The following THSD7B variants were observed in gnomAD, a reference collection of about 807,000 sequenced individuals.
The protein encoded by THSD7B is thrombospondin type 1 domain containing 7B.
In THSD7B, 138 loss-of-function variants were observed where a neutral mutation model predicts 213.6. The ratio of observed to expected loss-of-function variants is 0.65; its 90% CI spans 0.56 to 0.74. THSD7B has a LOEUF of 0.74. Among genes scored for constraint, THSD7B ranks in the 30% least tolerant of loss-of-function variants. THSD7B has a pLI of 0.00. For missense variants in THSD7B, 1,931 were observed against 1,991.5 expected, an observed-to-expected ratio of 0.97 and a Z score of 0.58; for synonymous variants, 742 against 687.0, an observed-to-expected ratio of 1.08 and a Z score of -1.25.
intron 4 of THSD7B, among the ~76,000 whole-genome samples, chr2:137,100,580 T>G (rs1042560418): frequency 6.6e-6 from 1 of 152,130 alleles, no homozygotes; most frequent in Non-Finnish European, 1.5e-5. Context: ...GTTTGTTTGT[T>G]TCCTTTTCCT....
chr2:137,067,319 T>G (rs1687401192), intron 3 of THSD7B, among the ~76,000 whole-genome samples: 1 of 152,096 alleles, frequency 6.6e-6, no homozygotes, highest in South Asian at 2.1e-4. Flanking sequence ...AGTGTGAGGT[T>G]GTTATATTTA....
In THSD7B at chr2:137,277,700, A is replaced by G. The variant is rs72973687; in HGVS notation, c.2500+1674A>G. ...ATGGAGATATGGCAAAGTATTTTGC[A>G]GAACAGGATTACACCTAAGTGTTGG... On this transcript the variant is annotated intron_variant, in intron 12 of 27. Transcript: ENST00000409968. Among the ~76,000 whole-genome samples, 388 of 152,274 alleles carry G rather than the reference A, an allele frequency of 2.5e-3. 6 individuals carry two copies. The highest frequency in any genetic ancestry group is 9.2e-3 in the African/African-American group (381 of 41,572).
intron 2 of THSD7B, among the ~76,000 whole-genome samples, chr2:137,036,937 A>C (rs1686786892): frequency 6.6e-6 from 1 of 151,490 alleles, no homozygotes; most frequent in Non-Finnish European, 1.5e-5. Flanking sequence ...TGCTCACATC[A>C]CCCCCCTTCT....
At chr2:137,444,777 T>G (rs1687492362) in intron 14 of THSD7B, among the ~76,000 whole-genome samples, 1 of 151,834 alleles carries the variant, frequency 6.6e-6, no homozygotes, top group Non-Finnish European at 1.5e-5. Flanking sequence ...TGGGATCACA[T>G]CCAGCTAAAA....
At chr2:137,490,951 T>C (rs1027687547) in intron 15 of THSD7B, among the ~76,000 whole-genome samples, 2 of 152,242 alleles carry the variant, frequency 1.3e-5, no homozygotes, top group African/African-American at 4.8e-5. Context: ...TTCGAAACCT[T>C]CGTTTACATT....
chr2:137,386,420 A>C (rs776142445), intron 12 of THSD7B, among the ~76,000 whole-genome samples: 1 of 152,224 alleles, frequency 6.6e-6, no homozygotes, highest in Non-Finnish European at 1.5e-5. Flanking sequence ...TGAGCTGTGC[A>C]GCTGAACTGA....
chr2:137,346,607 A>G (rs900959580), intron 12 of THSD7B, among the ~76,000 whole-genome samples: 1 of 151,656 alleles, frequency 6.6e-6, no homozygotes, highest in African/African-American at 2.4e-5. Context: ...AGCACAACTT[A>G]CAGTTCTTCC....
intron 3 of THSD7B, among the ~76,000 whole-genome samples, chr2:137,079,392 T>A (rs1687696855): frequency 6.6e-6 from 1 of 152,222 alleles, no homozygotes; most frequent in Non-Finnish European, 1.5e-5. Flanking sequence ...CTACACATAG[T>A]TGCTGTTATA....
chr2:137,379,169 G>A (rs1445023255), intron 12 of THSD7B, among the ~76,000 whole-genome samples: 3 of 151,952 alleles, frequency 2.0e-5, no homozygotes, highest in African/African-American at 7.3e-5. Flanking sequence ...GGTTACCTAG[G>A]GACTAAGTAT....
intron 10 of THSD7B, among the ~76,000 whole-genome samples, chr2:137,270,923 A>G (rs1298549206): frequency 6.6e-6 from 1 of 152,198 alleles, no homozygotes; most frequent in East Asian, 1.9e-4. Flanking sequence ...AGGTAACCAT[A>G]GAAAAATTAA....
intron 1 of THSD7B, among the ~76,000 whole-genome samples, chr2:136,878,446 C>A (rs1355076182): frequency 6.6e-6 from 1 of 152,136 alleles, no homozygotes; most frequent in Non-Finnish European, 1.5e-5. Flanking sequence ...AATGGGATGG[C>A]TGGGTCAAAT....
chr2:136,982,660 A>C (rs532123791), intron 2 of THSD7B, among the ~76,000 whole-genome samples: 17 of 152,158 alleles, frequency 1.1e-4, no homozygotes, highest in South Asian at 2.1e-4. Context: ...CACACACACA[A>C]AAAATCCTTT....
chr2:136,997,262 A>T (rs1254638480), intron 2 of THSD7B, among the ~76,000 whole-genome samples: 1 of 151,902 alleles, frequency 6.6e-6, no homozygotes, highest in Non-Finnish European at 1.5e-5. Context: ...CTTCCCTTTC[A>T]TCTTTAGTCA....
At chr2:137,023,452 C>T (rs1220931294) in intron 2 of THSD7B, among the ~76,000 whole-genome samples, 1 of 152,090 alleles carries the variant, frequency 6.6e-6, no homozygotes, top group Non-Finnish European at 1.5e-5. Flanking sequence ...ATGTAGTTCC[C>T]TGCAATTCAA....
At chr2:137,166,541 C>T (rs1005035626) in intron 6 of THSD7B, among the ~76,000 whole-genome samples, 9 of 152,124 alleles carry the variant, frequency 5.9e-5, no homozygotes, top group Non-Finnish European at 1.3e-4. Context: ...GGTGGAAGGA[C>T]TTCAGGGATT....
chr2:137,128,247 CTT>C lies in THSD7B; in HGVS notation c.1369+12955_1369+12956del, dbSNP rs995676619. 6.6e-5 allele frequency among the ~76,000 whole-genome samples: 10 copies of C among 152,222 alleles called. No individual in the cohort carries two copies. The East Asian group carries it at 1.9e-3, about 29-fold the overall frequency. ...ACAACACCACTCGTCATTTTTAACA[CTT>C]ATAACTTTAATAAAATAAATTATTT... On this transcript the variant is annotated intron_variant, in intron 5 of 27. Coordinates refer to ENST00000409968, the MANE Select transcript of THSD7B (RefSeq NM_001316349.2).
intron 26 of THSD7B, among the ~76,000 whole-genome samples, chr2:137,663,972 C>A (rs1215218890): frequency 6.6e-6 from 1 of 152,106 alleles, no homozygotes; most frequent in African/African-American, 2.4e-5. Flanking sequence ...CTGCCATAGC[C>A]TCCAGAGTAG....
chr2:137,064,791 C>A (rs1000172193), intron 3 of THSD7B, among the ~76,000 whole-genome samples: 1 of 151,906 alleles, frequency 6.6e-6, no homozygotes, highest in African/African-American at 2.4e-5. Flanking sequence ...GTTCTTGATA[C>A]CTTTGTCAAA....
intron 4 of THSD7B, among the ~76,000 whole-genome samples, chr2:137,112,437 GT>G (rs1688365831): frequency 6.6e-6 from 1 of 151,736 alleles, no homozygotes; most frequent in Non-Finnish European, 1.5e-5. Context: ...GAACTTGGGT[GT>G]TTTTGGTTAA....
Sources: allele counts gnomAD v4.1 joint callset (sites outside exome capture counted in the v4.1 genomes callset), GRCh38; gene constraint gnomAD v4.1.1; transcripts MANE v1.5; gene names NCBI Gene and HGNC (gene_info 2026-07-23, HGNC 2026-07-21).